The following SAMMSON variants were observed in gnomAD, a reference collection of about 807,000 sequenced individuals.
The protein encoded by SAMMSON is long intergenic non-protein coding RNA 1212.
chr3:70,008,323 G>A (rs2066938540), intron 1 of SAMMSON, among the ~76,000 whole-genome samples: 1 of 152,052 alleles, frequency 6.6e-6, no homozygotes, highest in Non-Finnish European at 1.5e-5. Context: ...TTCTTTCATT[G>A]AGCGGTGGTT....
intron 6 of SAMMSON, among the ~76,000 whole-genome samples, chr3:70,289,905 C>G (rs1702213923): frequency 6.6e-6 from 1 of 151,988 alleles, no homozygotes; most frequent in South Asian, 2.1e-4. Flanking sequence ...TGGTTTTCAG[C>G]TCCATCAGCT....
chr3:70,398,522 A>G (rs930595392), intron 2 of SAMMSON, among the ~76,000 whole-genome samples: 3 of 152,218 alleles, frequency 2.0e-5, no homozygotes, highest in African/African-American at 4.8e-5. Context: ...AACAGCACAC[A>G]TCTTTGTGTT....
At chr3:70,211,889 CCCTTTGTCCTTTCCTTT>C (rs908314513) in intron 4 of SAMMSON, among the ~76,000 whole-genome samples, 7 of 148,808 alleles carry the variant, frequency 4.7e-5, no homozygotes, top group Non-Finnish European at 8.9e-5. Flanking sequence ...TTCTTCCCTT[CCCTTTGTCCTTTCCTTT>C]CCTTTGTCCT....
intron 4 of SAMMSON, among the ~76,000 whole-genome samples, chr3:70,214,120 C>A (rs1423354600): frequency 6.6e-6 from 1 of 152,060 alleles, no homozygotes; most frequent in East Asian, 1.9e-4. Flanking sequence ...ATGGAGTATT[C>A]AATTGCTACA....
chr3:70,337,662 G>A (rs1262139373), intron 7 of SAMMSON, among the ~76,000 whole-genome samples: 2 of 151,814 alleles, frequency 1.3e-5, no homozygotes, highest in African/African-American at 2.4e-5. Context: ...TCCTCCTAGG[G>A]TATGGACTTA....
intron 7 of SAMMSON, among the ~76,000 whole-genome samples, chr3:70,299,826 T>A (rs1239148808): frequency 6.6e-6 from 1 of 152,090 alleles, no homozygotes; most frequent in Non-Finnish European, 1.5e-5. Flanking sequence ...TCACATATAT[T>A]TTATGGCTTC....
chr3:70,226,833 T>TA lies in SAMMSON; in HGVS notation n.508-22266dup, dbSNP rs201462226. 1.2e-4 allele frequency among the ~76,000 whole-genome samples: 18 copies of TA among 151,164 alleles called. No homozygotes were observed. In the East Asian group the frequency reaches 3.1e-3, roughly 26 times the overall value. On this transcript the variant is annotated intron_variant and non_coding_transcript_variant, in intron 4 of 9. Coordinates refer to ENST00000642114, the Ensembl canonical transcript of SAMMSON. The stretch of plus-strand genomic sequence containing the variant: ...ACAAAGTTTGTAGAATATGGAAGTG[T>TA]AAAAAAAATAGTGCTTAGCAGAGCA...
At chr3:70,399,446 T>A (rs1237013944) in intron 2 of SAMMSON, among the ~76,000 whole-genome samples, 2 of 152,004 alleles carry the variant, frequency 1.3e-5, no homozygotes, top group Non-Finnish European at 2.9e-5. Context: ...ATAGAGAGAG[T>A]TGATTATGCT....
intron 4 of SAMMSON, among the ~76,000 whole-genome samples, chr3:70,232,926 C>G (rs879317307): frequency 1.3e-5 from 2 of 152,082 alleles, no homozygotes; most frequent in Non-Finnish European, 2.9e-5. Flanking sequence ...TGGGGGTTCA[C>G]ACCGGTAATC....
intron 4 of SAMMSON, among the ~76,000 whole-genome samples, chr3:70,164,916 T>G (rs1189063541): frequency 5.9e-5 from 9 of 152,104 alleles, no homozygotes; most frequent in Admixed American, 5.9e-4. Flanking sequence ...ACAAACTGCT[T>G]CTTTGCATTA....
chr3:70,210,441 C>A (rs1296730813), intron 4 of SAMMSON, among the ~76,000 whole-genome samples: 1 of 152,080 alleles, frequency 6.6e-6, no homozygotes, highest in Non-Finnish European at 1.5e-5. Flanking sequence ...ATTCTGACAT[C>A]TGAAGTGAGT....
chr3:70,049,446 A>G (rs1184475690), intron 3 of SAMMSON, among the ~76,000 whole-genome samples: 1 of 152,186 alleles, frequency 6.6e-6, no homozygotes, highest in Non-Finnish European at 1.5e-5. Context: ...TTAATGATAC[A>G]GGCTTTGGAG....
chr3:70,007,333 C>T (rs368100212), intron 1 of SAMMSON, among the ~76,000 whole-genome samples: 32 of 152,186 alleles, frequency 2.1e-4, no homozygotes, highest in East Asian at 5.8e-4. Context: ...TTTTAATGAT[C>T]GCCATTCTAA....
chr3:70,201,689 G>C (rs1701240946), intron 4 of SAMMSON, among the ~76,000 whole-genome samples: 1 of 152,154 alleles, frequency 6.6e-6, no homozygotes, highest in African/African-American at 2.4e-5. Flanking sequence ...AATCCAACCT[G>C]CCTTCCATAA....
At position 70,016,398 on chromosome 3, in the gene SAMMSON, C is replaced by G. The variant is rs142739653; in HGVS notation, n.417+2726C>G. On this transcript the variant is annotated intron_variant and non_coding_transcript_variant, in intron 3 of 9. Transcript: ENST00000642114. ...ACATTGAGATCCTTTTGAGAAGGAT[C>G]TCTTCACATCTTTCACTCACTTTGT... Among the ~76,000 whole-genome samples the G allele has an allele frequency of 7.9e-5, 12 of 152,242 alleles. No individual in the cohort carries two copies. The East Asian group carries it at 2.3e-3, about 29-fold the overall frequency.
chr3:70,126,804 C>G (rs1441826176), intron 4 of SAMMSON: 1 of 162,542 alleles, frequency 6.2e-6, no homozygotes, highest in African/African-American at 2.4e-5. Context: ...CAACCTCTGC[C>G]TCCTGGGTTC....
At chr3:70,212,031 G>A (rs1199963484) in intron 4 of SAMMSON, among the ~76,000 whole-genome samples, 1 of 151,772 alleles carries the variant, frequency 6.6e-6, no homozygotes, top group Non-Finnish European at 1.5e-5. Flanking sequence ...TGTCCTCTTA[G>A]TTTCTTTCTT....
intron 4 of SAMMSON, among the ~76,000 whole-genome samples, chr3:70,170,287 C>T (rs951592250): frequency 6.6e-6 from 1 of 151,250 alleles, no homozygotes; most frequent in Non-Finnish European, 1.5e-5. Context: ...AAAAATGAAA[C>T]AGGTACTTTT....
intron 3 of SAMMSON, among the ~76,000 whole-genome samples, chr3:70,057,301 T>C (rs2067171277): frequency 6.6e-6 from 1 of 152,020 alleles, no homozygotes; most frequent in South Asian, 2.1e-4. Flanking sequence ...TTTGAATGCG[T>C]ATCTTCTTTT....
Sources: allele counts gnomAD v4.1 joint callset (sites outside exome capture counted in the v4.1 genomes callset), GRCh38; gene constraint gnomAD v4.1.1; transcripts MANE v1.5; gene names NCBI Gene and HGNC (gene_info 2026-07-23, HGNC 2026-07-21).